STPG2: variants seen among roughly 807,000 people sequenced by gnomAD.
STPG2 encodes sperm-tail PG-rich repeat-containing protein 2.
In STPG2, 56 loss-of-function variants were observed where a neutral mutation model predicts 54.2. That is an observed-to-expected ratio of 1.03 (90% CI 0.83 to 1.29). The LOEUF (loss-of-function observed/expected upper bound fraction) is 1.29, where lower values mean the gene tolerates loss of function less well. Among genes scored for constraint, STPG2 ranks in the 50% most tolerant of loss-of-function variants. The pLI is 0.00. For synonymous variants in STPG2, 200 were observed against 181.8 expected, an observed-to-expected ratio of 1.10 and a Z score of -0.81; for missense variants, 596 against 544.9, an observed-to-expected ratio of 1.09 and a Z score of -0.93.
intron 8 of STPG2, among the ~76,000 whole-genome samples, chr4:97,897,842 C>T (rs1731019135): frequency 6.6e-6 from 1 of 152,078 alleles, no homozygotes; most frequent in African/African-American, 2.4e-5. Context: ...AAATTTCCTC[C>T]CATTCTGTAG....
intron 10 of STPG2, among the ~76,000 whole-genome samples, chr4:97,608,539 T>G (rs1462758696): frequency 6.6e-6 from 1 of 152,028 alleles, no homozygotes; most frequent in Non-Finnish European, 1.5e-5. Flanking sequence ...CAGTGTCCTG[T>G]ATTTTAAAGT....
intron 9 of STPG2, among the ~76,000 whole-genome samples, chr4:97,737,812 C>T (rs1172871116): frequency 6.6e-6 from 1 of 152,126 alleles, no homozygotes; most frequent in African/African-American, 2.4e-5. Context: ...GGAGAACTTC[C>T]CCAATCTAGC....
At chr4:97,887,338 C>G (rs1213555026) in intron 8 of STPG2, among the ~76,000 whole-genome samples, 1 of 152,128 alleles carries the variant, frequency 6.6e-6, no homozygotes, top group Non-Finnish European at 1.5e-5. Context: ...GTGAAATGAA[C>G]AGTGAAGGTC....
chr4:97,814,145 T>C (rs571858850), intron 9 of STPG2, among the ~76,000 whole-genome samples: 57 of 152,284 alleles, frequency 3.7e-4, no homozygotes, highest in Admixed American at 7.8e-4. Context: ...TTATAACAAA[T>C]GTATTTTGTT....
chr4:97,990,218 A>C (rs1305041406), intron 5 of STPG2, among the ~76,000 whole-genome samples: 2 of 152,156 alleles, frequency 1.3e-5, no homozygotes, highest in East Asian at 3.8e-4. Flanking sequence ...CTTTTTTGTA[A>C]AGATCCTAAT....
chr4:97,926,506 A>G (rs1336775365), intron 8 of STPG2, among the ~76,000 whole-genome samples: 1 of 152,086 alleles, frequency 6.6e-6, no homozygotes, highest in Non-Finnish European at 1.5e-5. Flanking sequence ...TGCTCCACCT[A>G]TCCTGCTGGT....
At chr4:97,884,550 T>G (rs1730494067) in intron 8 of STPG2, among the ~76,000 whole-genome samples, 1 of 152,160 alleles carries the variant, frequency 6.6e-6, no homozygotes, top group Non-Finnish European at 1.5e-5. Context: ...CACTTCGCTC[T>G]TGCACTTCTA....
At chr4:97,739,758 G>A (rs1158317089) in intron 9 of STPG2, among the ~76,000 whole-genome samples, 5 of 152,182 alleles carry the variant, frequency 3.3e-5, no homozygotes, top group Non-Finnish European at 7.3e-5. Flanking sequence ...GGACCAGATG[G>A]ATTCACAGCC....
chr4:98,080,250 A>G (rs930956265), intron 5 of STPG2, among the ~76,000 whole-genome samples: 24 of 152,058 alleles, frequency 1.6e-4, no homozygotes, highest in African/African-American at 5.1e-4. Context: ...ATTGTTATAA[A>G]TTTTACTTTA....
intron 9 of STPG2, among the ~76,000 whole-genome samples, chr4:97,773,393 C>T (rs1031560707): frequency 6.6e-6 from 1 of 152,036 alleles, no homozygotes; most frequent in Non-Finnish European, 1.5e-5. Flanking sequence ...AATCATAGCT[C>T]GCTGCAGACT....
At chr4:98,115,357 C>T (rs1739487632) in intron 3 of STPG2, among the ~76,000 whole-genome samples, 1 of 151,902 alleles carries the variant, frequency 6.6e-6, no homozygotes, top group Non-Finnish European at 1.5e-5. Flanking sequence ...GTGAAATACA[C>T]CTCTGAAAAA....
chr4:98,089,739 G>A (rs1444694483), intron 5 of STPG2, among the ~76,000 whole-genome samples: 2 of 149,662 alleles, frequency 1.3e-5, no homozygotes, highest in Non-Finnish European at 3.0e-5. Context: ...TTCTAATTAT[G>A]GTCATTCTTG....
At chr4:97,573,138 A>G (rs1732641285) in intron 10 of STPG2, among the ~76,000 whole-genome samples, 1 of 151,908 alleles carries the variant, frequency 6.6e-6, no homozygotes, top group African/African-American at 2.4e-5. Context: ...GTAATTTTTA[A>G]TTTTCTTCTT....
chr4:98,082,361 T>C (rs1196059228), intron 5 of STPG2, among the ~76,000 whole-genome samples: 1 of 150,148 alleles, frequency 6.7e-6, no homozygotes, highest in Admixed American at 6.7e-5. Context: ...AGCTGCAGCA[T>C]TTCTTATCTG....
At chr4:97,477,416 A>G (rs749520375) in intron 4 of STPG2, among the ~76,000 whole-genome samples, 1 of 150,780 alleles carries the variant, frequency 6.6e-6, no homozygotes, top group Non-Finnish European at 1.5e-5. Flanking sequence ...AAAATTTTAT[A>G]TCATTGTAAT....
intron 8 of STPG2, among the ~76,000 whole-genome samples, chr4:97,943,644 T>C (rs1037157429): frequency 1.3e-5 from 2 of 152,186 alleles, no homozygotes; most frequent in African/African-American, 4.8e-5. Context: ...CTTTCATATA[T>C]GTCCTAAGAA....
chr4:97,589,741 C>T (rs1733090386), intron 10 of STPG2, among the ~76,000 whole-genome samples: 1 of 152,074 alleles, frequency 6.6e-6, no homozygotes, highest in Non-Finnish European at 1.5e-5. Context: ...ATCCTTCAAG[C>T]TTCATTTATA....
At chr4:97,824,392 G>A (rs542660032) in intron 9 of STPG2, among the ~76,000 whole-genome samples, 1 of 152,180 alleles carries the variant, frequency 6.6e-6, no homozygotes, top group East Asian at 1.9e-4. Flanking sequence ...TAAAAATCAT[G>A]GTTTATCTCC....
intron 4 of STPG2, among the ~76,000 whole-genome samples, chr4:97,465,657 T>C (rs932392994): frequency 6.6e-6 from 1 of 152,174 alleles, no homozygotes; most frequent in Non-Finnish European, 1.5e-5. Flanking sequence ...AATGGCATCA[T>C]ATGAGCATAT....
Sources: allele counts gnomAD v4.1 joint callset (sites outside exome capture counted in the v4.1 genomes callset), GRCh38; gene constraint gnomAD v4.1.1; transcripts MANE v1.5; gene names NCBI Gene and HGNC (gene_info 2026-07-23, HGNC 2026-07-21).